Variants in AUTS2 observed in about 807,000 individuals in gnomAD.
AUTS2 encodes the protein autism susceptibility gene 2 protein.
Under a neutral mutation model 112.4 loss-of-function variants are expected in AUTS2, and 17 were observed. The observed-to-expected ratio is 0.15, with a 90% CI of 0.10 to 0.23. The LOEUF (loss-of-function observed/expected upper bound fraction) is 0.23. AUTS2 is among the 10% of genes least tolerant of loss of function. The probability of loss-of-function intolerance (pLI) is 1.00; values close to 1 mark genes in which losing one functional copy is unlikely to be tolerated. For synonymous variants in AUTS2, 751 were observed against 702.7 expected (o/e 1.07, Z -1.09); for missense variants, 1,510 against 1,701.6 (o/e 0.89, Z 1.98).
intron 1 of AUTS2, among the ~76,000 whole-genome samples, chr7:69,799,315 A>G (rs1412645060): frequency 1.3e-5 from 2 of 152,136 alleles, no homozygotes; most frequent in Non-Finnish European, 1.5e-5. Flanking sequence ...GTTTTTACCA[A>G]TAGACATGGG....
chr7:70,526,580 G>A (rs1458922044), intron 5 of AUTS2, among the ~76,000 whole-genome samples: 3 of 152,184 alleles, frequency 2.0e-5, no homozygotes, highest in South Asian at 2.1e-4. Context: ...GCTGAGACAC[G>A]AGATTCACTT....
chr7:70,781,364 CAAA>C (rs756708435), intron 14 of AUTS2: 706 of 122,890 alleles, frequency 5.7e-3, no homozygotes, highest in Middle Eastern at 0.012. Context: ...GACTCCGTCA[CAAA>C]AAAAAAAAAA....
chr7:70,633,628 A>G (rs2129538794), intron 5 of AUTS2, among the ~76,000 whole-genome samples: 1 of 151,508 alleles, frequency 6.6e-6, no homozygotes, highest in South Asian at 2.1e-4. Flanking sequence ...AAAAAAAAAA[A>G]AGGACAGAAC....
chr7:70,153,121 A>T (rs554786710), intron 4 of AUTS2, among the ~76,000 whole-genome samples: 2 of 152,230 alleles, frequency 1.3e-5, no homozygotes, highest in Non-Finnish European at 2.9e-5. Flanking sequence ...TTTTACATGA[A>T]TGTTCATAGT....
intron 1 of AUTS2, among the ~76,000 whole-genome samples, chr7:69,785,591 G>T (rs761356965): frequency 6.6e-6 from 1 of 152,248 alleles, no homozygotes; most frequent in Non-Finnish European, 1.5e-5. Context: ...CTCAGGGGCT[G>T]TTTGACCACA....
intron 2 of AUTS2, among the ~76,000 whole-genome samples, chr7:69,924,527 T>TTTTC (rs985396390): frequency 6.6e-6 from 1 of 151,704 alleles, no homozygotes; most frequent in South Asian, 2.1e-4. Flanking sequence ...TTGTCTTTTC[T>TTTTC]TTTCTTTCTT....
rs1229863360 is a variant in AUTS2, at chr7:69,658,702, A to T, written c.309+58740A>T. On this transcript the variant is annotated intron_variant, in intron 1 of 18. Transcript: ENST00000342771. The stretch of plus-strand genomic sequence containing the variant: ...TGAAAGAGAAGTCAAATCTGGAGAT[A>T]TTCATGAGCAAACTACTGTCTGATA... Among the ~76,000 whole-genome samples the T allele has an allele frequency of 2.0e-5, 3 of 152,230 alleles. No individual in the cohort carries two copies. In the East Asian group the frequency reaches 5.8e-4, roughly 29 times the overall value.
chr7:70,565,568 TGCTCAGGAA>T (rs747002703), intron 5 of AUTS2, among the ~76,000 whole-genome samples: 32 of 152,140 alleles, frequency 2.1e-4, no homozygotes, highest in Non-Finnish European at 4.0e-4. Context: ...TACTCCCAGC[TGCTCAGGAA>T]GCTAAGGCAG....
intron 14 of AUTS2, among the ~76,000 whole-genome samples, chr7:70,780,406 T>G (rs558499580): frequency 1.3e-5 from 2 of 149,084 alleles, no homozygotes; most frequent in South Asian, 2.2e-4. Flanking sequence ...TGATAAGGAC[T>G]TCACACAAGA....
At chr7:70,251,642 TG>T (rs1228222886) in intron 4 of AUTS2, among the ~76,000 whole-genome samples, 4 of 152,328 alleles carry the variant, frequency 2.6e-5, no homozygotes, top group African/African-American at 9.6e-5. Flanking sequence ...GTCTCTTCCT[TG>T]ACTGTCATAA....
chr7:70,224,742 G>A (rs1811677764), intron 4 of AUTS2, among the ~76,000 whole-genome samples: 1 of 152,106 alleles, frequency 6.6e-6, no homozygotes, highest in African/African-American at 2.4e-5. Context: ...CATGGTAAGT[G>A]CCCTATACAG....
At chr7:70,493,154 G>A (rs1016974147) in intron 5 of AUTS2, among the ~76,000 whole-genome samples, 1 of 152,284 alleles carries the variant, frequency 6.6e-6, no homozygotes, top group African/African-American at 2.4e-5. Flanking sequence ...AGGGAGGCAT[G>A]TGTGGGAAAA....
At position 69,985,990 on chromosome 7, in the gene AUTS2, T is replaced by G. The variant is rs548690415; in HGVS notation, c.522+86492T>G. 5.9e-5 allele frequency among the ~76,000 whole-genome samples: 9 copies of G among 152,262 alleles called. 1 individual carries two copies. In the South Asian group the frequency reaches 1.7e-3, roughly 28 times the overall value. On this transcript the variant is annotated intron_variant, in intron 2 of 18. Transcript: ENST00000342771. ...GTTGCCCAGGCTGGTCCTGAACTTC[T>G]GGGCTTAAGCGATCCTCCCGCCTCG...
Position 70,000,175 on chromosome 7 carries a change from G to A in AUTS2, c.522+100677G>A, listed in dbSNP as rs75820562. On this transcript the variant is annotated intron_variant, in intron 2 of 18. Coordinates refer to ENST00000342771, the MANE Select transcript of AUTS2 (RefSeq NM_015570.4). ...TCAAAGTAAGCTTTATAACAGAGCT[G>A]TCTGTACAGGGGATGATTCAGTCCG... Among the ~76,000 whole-genome samples the A allele has an allele frequency of 7.4e-3, 1,125 of 152,304 alleles. 4 individuals are homozygous for A. Among genetic ancestry groups the A allele is most frequent in the Non-Finnish European group, 0.012 (787 of 68,026 alleles).
intron 5 of AUTS2, among the ~76,000 whole-genome samples, chr7:70,558,360 C>T (rs1801337444): frequency 6.6e-6 from 1 of 152,176 alleles, no homozygotes; most frequent in Admixed American, 6.5e-5. Flanking sequence ...CAGCTCTTCT[C>T]TCTCTCTGTG....
intron 2 of AUTS2, among the ~76,000 whole-genome samples, chr7:70,111,438 C>T (rs986070682): frequency 2.6e-5 from 4 of 152,132 alleles, no homozygotes; most frequent in Non-Finnish European, 5.9e-5. Flanking sequence ...ATAAAATTCA[C>T]TCATTGTAAG....
Position 70,168,433 on chromosome 7 carries a change from C to T in AUTS2, c.660+33862C>T, listed in dbSNP as rs1584820827. The stretch of plus-strand genomic sequence containing the variant: ...CCAGGTTCAAGAGATTCTCCTGCCT[C>T]AGCCTCCCGAGTAGCTGGGACTACA... On this transcript the variant is annotated intron_variant, in intron 4 of 18. Coordinates refer to ENST00000342771, the MANE Select transcript of AUTS2 (RefSeq NM_015570.4). Among the ~76,000 whole-genome samples, 3 of 152,342 alleles carry T rather than the reference C, an allele frequency of 2.0e-5. No individual in the cohort carries two copies. The East Asian group carries it at 5.8e-4, about 29-fold the overall frequency.
intron 1 of AUTS2, among the ~76,000 whole-genome samples, chr7:69,609,200 A>G (rs764505080): frequency 2.0e-5 from 3 of 152,186 alleles, no homozygotes; most frequent in Non-Finnish European, 4.4e-5. Context: ...CTTGTAAGTT[A>G]GTACTGGGGA....
At chr7:69,920,636 T>G (rs1795773130) in intron 2 of AUTS2, among the ~76,000 whole-genome samples, 1 of 152,160 alleles carries the variant, frequency 6.6e-6, no homozygotes, top group Non-Finnish European at 1.5e-5. Context: ...TGTTGATTCT[T>G]CTGGCTTTGG....
Sources: allele counts gnomAD v4.1 joint callset (sites outside exome capture counted in the v4.1 genomes callset), GRCh38; gene constraint gnomAD v4.1.1; transcripts MANE v1.5; gene names NCBI Gene and HGNC (gene_info 2026-07-23, HGNC 2026-07-21).